ARMC8: variants seen among roughly 807,000 people sequenced by gnomAD.
ARMC8 encodes armadillo repeat containing 8, also known as armadillo repeat-containing protein 8.
A neutral mutation model predicts 99.3 loss-of-function variants in ARMC8; 20 were observed. The observed-to-expected ratio is 0.20, with a 90% CI of 0.14 to 0.29. The LOEUF is 0.29. Among genes scored for constraint, ARMC8 ranks in the 10% least tolerant of loss-of-function variants. The probability of loss-of-function intolerance (pLI) is 1.00; values close to 1 mark genes in which losing one functional copy is unlikely to be tolerated. For synonymous variants in ARMC8, 263 were observed against 278.3 expected (o/e 0.95, Z 0.55); for missense variants, 569 against 809.5 (o/e 0.70, Z 3.60).
At chr3:138,229,145 T>C (rs1421297291) in intron 6 of ARMC8, 135 bp downstream of exon 6, 1 of 43,834 alleles carries the variant, frequency 2.3e-5, no homozygotes, top group African/African-American at 1.2e-4. Context: ...TATATATATA[T>C]ATATATATAT....
chr3:138,230,196 T>G (rs1263537565), intron 6 of ARMC8, among the ~76,000 whole-genome samples: 1 of 152,086 alleles, frequency 6.6e-6, no homozygotes, highest in Non-Finnish European at 1.5e-5. Context: ...TCTTTTGAGG[T>G]GGGGAAAGAA....
chr3:138,208,807 T>C (rs2108022370), intron 1 of ARMC8, among the ~76,000 whole-genome samples: 1 of 152,172 alleles, frequency 6.6e-6, no homozygotes, highest in South Asian at 2.1e-4. Context: ...TAAAAAAGAG[T>C]TACCCTCCAA....
chr3:138,230,610 C>T (rs563503397), intron 6 of ARMC8, among the ~76,000 whole-genome samples: 59 of 152,154 alleles, frequency 3.9e-4, no homozygotes, highest in African/African-American at 1.2e-3. Flanking sequence ...CCAGTCATTG[C>T]ACCACTGTAC....
rs190935692 is a variant in ARMC8, at chr3:138,270,142, A to G, written c.1479+10A>G. Reference sequence around the variant, plus strand: ...AATTTGGGCTTTAATGGTACGTTTCACTTTTATATATATCATAACTTACAA... The same window carrying G: ...AATTTGGGCTTTAATGGTACGTTTCGCTTTTATATATATCATAACTTACAA... On this transcript the variant is annotated intron_variant, in intron 16 of 21. Transcript: ENST00000469044. 1,446 of 1,554,384 alleles carry G rather than the reference A, an allele frequency of 9.3e-4. 16 individuals are homozygous for G. The Middle Eastern group carries it at 9.5e-3, about 10-fold the overall frequency.
intron 19 of ARMC8, among the ~76,000 whole-genome samples, chr3:138,288,652 T>A (rs2050650626): frequency 6.6e-6 from 1 of 150,558 alleles, no homozygotes; most frequent in Non-Finnish European, 1.5e-5. Context: ...TTTTTTTTTT[T>A]TTTTGAGACG....
At position 138,263,801 on chromosome 3, in the gene ARMC8, G is replaced by A; in HGVS notation, c.1197G>A (p.Lys399=). The A allele has an allele frequency of 6.2e-7, 1 of 1,613,972 alleles. No homozygotes were observed. The highest frequency in any genetic ancestry group is 8.5e-7 in the Non-Finnish European group (1 of 1,179,868). The change falls in exon 13 of 22, where the codon AAG becomes AAA. Residue 399 remains lysine (K), a synonymous_variant. Coordinates refer to ENST00000469044, the MANE Select transcript of ARMC8 (RefSeq NM_001363941.2). ...IVTGLSESSV[K]VRLAAVRCLH... ...CTGGCTTGTCTGAGTCTAGTGTCAA[G>A]GTGCGGTTAGCTGCCGTCAGGTATG...
intron 1 of ARMC8, among the ~76,000 whole-genome samples, chr3:138,200,939 G>A (rs1348772130): frequency 1.9e-5 from 2 of 106,510 alleles, no homozygotes; most frequent in African/African-American, 3.6e-5. Flanking sequence ...TTGAAATGGA[G>A]TCTCCCTCTG....
intron 2 of ARMC8, among the ~76,000 whole-genome samples, chr3:138,219,769 T>C (rs1024214158): frequency 3.9e-5 from 6 of 152,348 alleles, no homozygotes; most frequent in African/African-American, 1.4e-4. Context: ...TATTGTGTTC[T>C]CTTTAGTTGG....
rs140491537 is a variant in ARMC8, at chr3:138,189,251, G to A, written c.45+1652G>A. ...CTATTAATACTTCTATTTAGGATTTGCCTTTAGCCCTAGTCTCATTAGGGG... is the reference window on the plus strand; with the variant it reads ...CTATTAATACTTCTATTTAGGATTTACCTTTAGCCCTAGTCTCATTAGGGG... On this transcript the variant is annotated intron_variant, in intron 1 of 21. Transcript: ENST00000469044. Among the ~76,000 whole-genome samples, 540 of 149,834 alleles carry A rather than the reference G, an allele frequency of 3.6e-3. 2 individuals are homozygous for A. Among genetic ancestry groups the A allele is most frequent in the African/African-American group, 0.013 (521 of 40,928 alleles).
intron 14 of ARMC8, among the ~76,000 whole-genome samples, chr3:138,265,519 C>T (rs983934977): frequency 1.3e-5 from 2 of 152,190 alleles, no homozygotes; most frequent in Admixed American, 1.3e-4. Context: ...AGAACTCTTA[C>T]TCTTGGCTTA....
chr3:138,280,115 G>C (rs2049735787), intron 18 of ARMC8, among the ~76,000 whole-genome samples: 1 of 151,992 alleles, frequency 6.6e-6, no homozygotes, highest in East Asian at 1.9e-4. Context: ...TGTTGGCCAG[G>C]CTGGGCTCAA....
intron 13 of ARMC8, 142 bp from the exon 14 acceptor site, chr3:138,263,989 C>A: frequency 1.1e-6 from 1 of 948,306 alleles, no homozygotes; most frequent in Non-Finnish European, 1.6e-6. Flanking sequence ...GCCTCCAAAC[C>A]CCATAAAGTG....
chr3:138,289,094 C>T lies in ARMC8; in HGVS notation c.1868C>T (p.Ser623Leu). 6.2e-7 allele frequency: 1 copy of T among 1,613,122 alleles called. No individual in the cohort carries two copies. Among genetic ancestry groups the T allele is most frequent in the Non-Finnish European group, 8.5e-7 (1 of 1,179,422 alleles). ...KLQLAAMFCI[S>L]NLIWNEEEGS... is the part of the protein sequence containing the mutation. ...CAGCTTGCAGCCATGTTTTGTATAT[C>T]AAACCTCATATGGAATGAAGAGGAA... The change falls in exon 20 of 22, where the codon TCA becomes TTA. Residue 623 changes from serine (S) to leucine (L), a missense_variant. By Grantham distance (145) the Ser-to-Leu change is moderately radical. Around this residue, in one of 2 missense-constraint regions of ARMC8, gnomAD observed 227 missense variants for 417.9 expected, o/e 0.54. Coordinates refer to ENST00000469044, the MANE Select transcript of ARMC8 (RefSeq NM_001363941.2).
rs2043186290 is a variant in ARMC8, at chr3:138,188,254, C to T, written c.45+655C>T. ...TCTGAGTCAGAGGAACTCTATGTTCCCTGTGCCTGGTATTCCGTTTTTCTT... is the reference window on the plus strand; with the variant it reads ...TCTGAGTCAGAGGAACTCTATGTTCTCTGTGCCTGGTATTCCGTTTTTCTT... On this transcript the variant is annotated intron_variant, in intron 1 of 21. Coordinates refer to ENST00000469044, the MANE Select transcript of ARMC8 (RefSeq NM_001363941.2). The T allele has an allele frequency of 1.1e-5, 7 of 629,938 alleles. No individual in the cohort carries two copies. The South Asian group carries it at 1.4e-4, about 13-fold the overall frequency. The allele number at this position is 629,938 out of a possible 1,614,324, so 39.0% of individuals were successfully genotyped here.
At chr3:138,189,007 C>T (rs1201192681) in intron 1 of ARMC8, among the ~76,000 whole-genome samples, 2 of 151,932 alleles carry the variant, frequency 1.3e-5, no homozygotes, top group Non-Finnish European at 2.9e-5. Context: ...TGACTTTTAC[C>T]TCATTATGTT....
intron 11 of ARMC8, among the ~76,000 whole-genome samples, chr3:138,244,332 C>T (rs550336153): frequency 6.6e-6 from 1 of 152,220 alleles, no homozygotes; most frequent in Non-Finnish European, 1.5e-5. Flanking sequence ...GGCTAGAGTG[C>T]AGTGGCGCGA....
At chr3:138,260,764 C>G (rs1560004482) in intron 12 of ARMC8, among the ~76,000 whole-genome samples, 1 of 152,188 alleles carries the variant, frequency 6.6e-6, no homozygotes, top group Non-Finnish European at 1.5e-5. Flanking sequence ...CTAGAAACCT[C>G]TTTCAAGTCT....
chr3:138,256,075 C>G (rs914901897), intron 12 of ARMC8, among the ~76,000 whole-genome samples: 4 of 152,210 alleles, frequency 2.6e-5, no homozygotes, highest in South Asian at 2.1e-4. Context: ...GGAGCAGTGG[C>G]ACAGGTATTA....
chr3:138,296,172 AT>A lies in ARMC8; in HGVS notation c.*285del, dbSNP rs1199561940. 1.7e-5 allele frequency: 6 copies of A among 343,830 alleles called. No individual in the cohort carries two copies. The South Asian group carries it at 2.3e-4, about 13-fold the overall frequency. 21.3% of individuals were successfully genotyped at this position (343,830 alleles called of 1,614,324 possible). On this transcript the variant is annotated 3_prime_UTR_variant, in exon 22 of 22. Coordinates refer to ENST00000469044, the MANE Select transcript of ARMC8 (RefSeq NM_001363941.2). ...TCAATCATTTTCCTTTGGACCTACAATTTTTGCCTATGCTGCAGCCACTTTG... is the reference window on the plus strand; with the variant it reads ...TCAATCATTTTCCTTTGGACCTACAATTTTGCCTATGCTGCAGCCACTTTG...
Sources: allele counts gnomAD v4.1 joint callset (sites outside exome capture counted in the v4.1 genomes callset), GRCh38; gene constraint gnomAD v4.1.1; regional missense constraint gnomAD v4.1.1; transcripts MANE v1.5; gene names NCBI Gene and HGNC (gene_info 2026-07-23, HGNC 2026-07-21).